EXOC4: variants seen among roughly 807,000 people sequenced by gnomAD.
EXOC4 encodes the protein SEC8-like 1.
EXOC4 carries 71 observed loss-of-function variants against 107.2 expected under a neutral mutation model. The ratio of observed to expected loss-of-function variants is 0.66; its 90% CI spans 0.55 to 0.81. The LOEUF (loss-of-function observed/expected upper bound fraction) is 0.81, where lower values mean the gene tolerates loss of function less well. Among genes scored for constraint, EXOC4 ranks in the 30% least tolerant of loss-of-function variants. The pLI is 0.00. For synonymous variants in EXOC4, 456 were observed against 441.2 expected, an observed-to-expected ratio of 1.03 and a Z score of -0.42; for missense variants, 1,108 against 1,189.6, an observed-to-expected ratio of 0.93 and a Z score of 1.01.
chr7:133,421,172 G>T (rs1797595264), intron 7 of EXOC4, among the ~76,000 whole-genome samples: 1 of 152,060 alleles, frequency 6.6e-6, no homozygotes, highest in South Asian at 2.1e-4. Context: ...TGAAGTAAAA[G>T]TTCTTGGTAA....
chr7:133,953,415 C>G (rs548070895), intron 14 of EXOC4, among the ~76,000 whole-genome samples: 1 of 151,938 alleles, frequency 6.6e-6, no homozygotes, highest in South Asian at 2.1e-4. Flanking sequence ...CTGGGCAACA[C>G]AGGGAGACCT....
At chr7:133,559,115 C>T (rs990100306) in intron 9 of EXOC4, among the ~76,000 whole-genome samples, 3 of 152,112 alleles carry the variant, frequency 2.0e-5, no homozygotes, top group African/African-American at 4.8e-5. Flanking sequence ...CTGTTCTTAT[C>T]CCTTTACCAT....
At chr7:133,869,916 G>T (rs1223921689) in intron 11 of EXOC4, among the ~76,000 whole-genome samples, 3 of 152,184 alleles carry the variant, frequency 2.0e-5, no homozygotes, top group Admixed American at 2.0e-4. Context: ...GAAGCTAGCT[G>T]ATTTTTTGAT....
At chr7:133,913,780 G>A (rs1209520778) in intron 12 of EXOC4, among the ~76,000 whole-genome samples, 4 of 152,146 alleles carry the variant, frequency 2.6e-5, no homozygotes, top group Non-Finnish European at 4.4e-5. Context: ...CTGCCCTAGA[G>A]ATAATAATTT....
intron 10 of EXOC4, among the ~76,000 whole-genome samples, chr7:133,703,664 T>C (rs1310720720): frequency 6.6e-6 from 1 of 152,206 alleles, no homozygotes; most frequent in African/African-American, 2.4e-5. Flanking sequence ...CCTTTTCCTA[T>C]CATAACAAAT....
chr7:133,859,742 A>G (rs1232778542), intron 11 of EXOC4, among the ~76,000 whole-genome samples: 2 of 152,184 alleles, frequency 1.3e-5, no homozygotes, highest in East Asian at 3.8e-4. Context: ...CTAACATAAA[A>G]GGTTTATTTC....
Position 134,004,963 on chromosome 7 carries a change from C to T in EXOC4, c.2400C>T (p.Ala800=), listed in dbSNP as rs375744165. 3.1e-6 allele frequency: 5 copies of T among 1,613,334 alleles called. No individual in the cohort carries two copies. In the African/African-American group the frequency reaches 4.0e-5, roughly 13 times the overall value. ...LIPLAKEGNY[A]IVANVESMDY... ...CTCTTGCAAAGGAGGGGAACTATGC[C>T]ATTGTGGCTAATGTGGAAAGTATGG... is the stretch of plus-strand genomic sequence containing the variant. The change falls in exon 16 of 18, where the codon GCC becomes GCT. Residue 800 remains alanine (A), a synonymous_variant. Coordinates refer to ENST00000253861, the MANE Select transcript of EXOC4 (RefSeq NM_021807.4).
intron 11 of EXOC4, among the ~76,000 whole-genome samples, chr7:133,831,779 G>A (rs1467603411): frequency 6.6e-6 from 1 of 152,050 alleles, no homozygotes; most frequent in African/African-American, 2.4e-5. Context: ...GACACTGAAA[G>A]GAAACATATA....
At chr7:133,924,679 C>G (rs1800013081) in intron 13 of EXOC4, among the ~76,000 whole-genome samples, 1 of 152,138 alleles carries the variant, frequency 6.6e-6, no homozygotes, top group African/African-American at 2.4e-5. Context: ...CATCCCAGAT[C>G]AAAATATACA....
At chr7:133,615,898 A>G (rs1351356124) in intron 9 of EXOC4, among the ~76,000 whole-genome samples, 1 of 152,210 alleles carries the variant, frequency 6.6e-6, no homozygotes, top group Admixed American at 6.5e-5. Flanking sequence ...GTGTTTTTCC[A>G]GGAAGAGATT....
chr7:133,856,036 C>T (rs574794189), intron 11 of EXOC4, among the ~76,000 whole-genome samples: 4 of 152,280 alleles, frequency 2.6e-5, no homozygotes, highest in South Asian at 2.1e-4. Context: ...ATCTGGAACA[C>T]GTAAAAGTAC....
intron 9 of EXOC4, among the ~76,000 whole-genome samples, chr7:133,503,498 T>G (rs1799613036): frequency 6.6e-6 from 1 of 152,160 alleles, no homozygotes. Context: ...CTTCCTTTGT[T>G]GATGAAGAGT....
At chr7:133,387,523 T>C (rs906428318) in intron 7 of EXOC4, among the ~76,000 whole-genome samples, 10 of 152,170 alleles carry the variant, frequency 6.6e-5, no homozygotes, top group African/African-American at 2.4e-4. Context: ...AAATGCATTA[T>C]TTCATCCAAT....
chr7:133,831,406 T>G (rs1797808374), intron 11 of EXOC4, among the ~76,000 whole-genome samples: 1 of 152,170 alleles, frequency 6.6e-6, no homozygotes, highest in Non-Finnish European at 1.5e-5. Context: ...TTTTTGTAAT[T>G]ATTTGGTTAT....
At chr7:133,517,568 A>G (rs977241056) in intron 9 of EXOC4, among the ~76,000 whole-genome samples, 20 of 152,164 alleles carry the variant, frequency 1.3e-4, no homozygotes, top group Non-Finnish European at 1.9e-4. Context: ...TGAAAGGCAC[A>G]TCTCACATGG....
chr7:134,010,085 G>A (rs1431189528), intron 17 of EXOC4: 1 of 152,128 alleles, frequency 6.6e-6, no homozygotes, highest in Non-Finnish European at 1.5e-5. Context: ...CAGGAAATAG[G>A]CTAGCATAAA....
chr7:133,408,949 C>G (rs913052731), intron 7 of EXOC4, among the ~76,000 whole-genome samples: 2 of 152,160 alleles, frequency 1.3e-5, no homozygotes, highest in East Asian at 3.8e-4. Flanking sequence ...CCTTTCTGAA[C>G]TATCATAGGT....
Position 133,915,869 on chromosome 7 carries a change from A to T in EXOC4, c.1872-1714A>T, listed in dbSNP as rs931834965. ...GGTTACTATGAGAAAACATTTGCTT[A>T]TAGTGAATTAGAAGAATTCTAGAAT... On this transcript the variant is annotated intron_variant, in intron 12 of 17. Transcript: ENST00000253861. Among the ~76,000 whole-genome samples, 26 of 152,236 alleles carry T rather than the reference A, an allele frequency of 1.7e-4. 1 individual carries two copies. Among genetic ancestry groups the T allele is most frequent in the African/African-American group, 6.3e-4 (26 of 41,464 alleles).
At chr7:133,354,067 CA>C (rs1795970344) in intron 5 of EXOC4, among the ~76,000 whole-genome samples, 1 of 151,858 alleles carries the variant, frequency 6.6e-6, no homozygotes, top group Non-Finnish European at 1.5e-5. Flanking sequence ...ATCTTTAAAA[CA>C]GTTAAAACTT....
Sources: allele counts gnomAD v4.1 joint callset (sites outside exome capture counted in the v4.1 genomes callset), GRCh38; gene constraint gnomAD v4.1.1; transcripts MANE v1.5; gene names NCBI Gene and HGNC (gene_info 2026-07-23, HGNC 2026-07-21).